EXOC6: variants seen among roughly 807,000 people sequenced by gnomAD.
EXOC6 encodes exocyst complex component 6, also known as SEC15-like 1.
A neutral mutation model predicts 112.5 loss-of-function variants in EXOC6; 60 were observed. That is an observed-to-expected ratio of 0.53 (90% CI 0.43 to 0.66). The LOEUF (loss-of-function observed/expected upper bound fraction) is 0.66, where lower values mean the gene tolerates loss of function less well. Among genes scored for constraint, EXOC6 ranks in the 30% least tolerant of loss-of-function variants. EXOC6 has a pLI of 0.00. For synonymous variants in EXOC6, 295 were observed against 308.0 expected, an observed-to-expected ratio of 0.96 and a Z score of 0.44; for missense variants, 855 against 957.1, an observed-to-expected ratio of 0.89 and a Z score of 1.41.
chr10:93,014,374 C>A, intron 20 of EXOC6, 107 bp downstream of exon 20: 2 of 840,904 alleles, frequency 2.4e-6, no homozygotes, highest in Non-Finnish European at 3.9e-6. Context: ...CTTGAAACAA[C>A]CTATCTTAAG....
intron 18 of EXOC6, among the ~76,000 whole-genome samples, chr10:92,990,508 A>G (rs1843185440): frequency 6.6e-6 from 1 of 152,222 alleles, no homozygotes; most frequent in African/African-American, 2.4e-5. Context: ...GGAAAGACCT[A>G]TATAAAATGC....
rs865843100 is a variant in EXOC6, at chr10:93,058,249, A to G, written c.2309A>G (p.Asn770Ser). 6.2e-7 allele frequency: 1 copy of G among 1,607,474 alleles called. No homozygotes were observed. Among genetic ancestry groups the G allele is most frequent in the South Asian group, 1.1e-5 (1 of 89,068 alleles). The change falls in exon 22 of 22, where the codon AAT becomes AGT. Residue 770 changes from asparagine to serine, a missense_variant. Physicochemically the swap from Asn to Ser is conservative, Grantham distance 46. Transcript: ENST00000260762. The part of the protein sequence containing the change: ...EKMKDTSKKN[N>S]IFAQFRKNDR... Reference sequence around the variant, plus strand: ...ATGAAGGATACTAGCAAAAAGAACAATATATTTGCTCAGTTCAGGAAGAAT... The same window carrying G: ...ATGAAGGATACTAGCAAAAAGAACAGTATATTTGCTCAGTTCAGGAAGAAT...
At chr10:92,925,837 A>AT (rs1851682750) in intron 8 of EXOC6, among the ~76,000 whole-genome samples, 1 of 151,846 alleles carries the variant, frequency 6.6e-6, no homozygotes, top group Non-Finnish European at 1.5e-5. Context: ...TTAAAAAAAA[A>AT]ATTTTTTTTA....
rs770597746 is a variant in EXOC6, at chr10:92,915,904, T to C, written c.810T>C (p.Asn270=). ...ATTCACTTGAAGAAGAGGATGAGAATGAAGAAGAGGTGATAGGTGTCTTTC... is the reference window on the plus strand; with the variant it reads ...ATTCACTTGAAGAAGAGGATGAGAACGAAGAAGAGGTGATAGGTGTCTTTC... ...LKHSLEEEDE[N]EEEILTVQDL... Residue 270 remains asparagine, a synonymous_variant, in exon 7 of 22, where the codon AAT becomes AAC. Coordinates refer to ENST00000260762, the MANE Select transcript of EXOC6 (RefSeq NM_019053.6). The C allele has an allele frequency of 2.6e-6, 4 of 1,535,774 alleles. No individual in the cohort carries two copies. Among genetic ancestry groups the C allele is most frequent in the Non-Finnish European group, 3.5e-6 (4 of 1,152,462 alleles).
intron 20 of EXOC6, among the ~76,000 whole-genome samples, chr10:93,018,030 T>G (rs978413815): frequency 2.7e-5 from 4 of 146,618 alleles, no homozygotes; most frequent in African/African-American, 7.5e-5. Context: ...AAAAAAGAAA[T>G]AAAATAAAAA....
intron 18 of EXOC6, among the ~76,000 whole-genome samples, chr10:92,975,527 G>T (rs1196508336): frequency 6.7e-6 from 1 of 149,668 alleles, no homozygotes; most frequent in Non-Finnish European, 1.5e-5. Flanking sequence ...AGGGAGGTGG[G>T]GGGGTCAGCC....
At chr10:92,947,241 A>G (rs1233176370) in intron 13 of EXOC6, among the ~76,000 whole-genome samples, 3 of 152,202 alleles carry the variant, frequency 2.0e-5, no homozygotes, top group African/African-American at 7.2e-5. Context: ...CTAGTCAGAG[A>G]TACAAGCTAT....
At chr10:92,849,699 A>C (rs1295623009) in intron 1 of EXOC6, among the ~76,000 whole-genome samples, 1 of 152,230 alleles carries the variant, frequency 6.6e-6, no homozygotes, top group African/African-American at 2.4e-5. Flanking sequence ...AGTTCAAGTT[A>C]TGTAAATACA....
intron 4 of EXOC6, among the ~76,000 whole-genome samples, chr10:92,898,281 A>AAT (rs1554889560): frequency 2.7e-5 from 4 of 149,910 alleles, no homozygotes; most frequent in Admixed American, 1.3e-4. Context: ...AAAAAAAAAA[A>AAT]ATTAGCCAGC....
At chr10:93,048,857 A>G (rs1397290863) in intron 20 of EXOC6, among the ~76,000 whole-genome samples, 2 of 152,128 alleles carry the variant, frequency 1.3e-5, no homozygotes, top group African/African-American at 2.4e-5. Flanking sequence ...GTTTAAATAC[A>G]TAATATAAAT....
intron 18 of EXOC6, among the ~76,000 whole-genome samples, chr10:92,975,666 C>T (rs1437163751): frequency 5.6e-5 from 7 of 125,670 alleles, no homozygotes; most frequent in African/African-American, 1.8e-4. Context: ...AGGTGAGGGG[C>T]GCCTCTGCCC....
intron 20 of EXOC6, among the ~76,000 whole-genome samples, chr10:93,021,153 C>T (rs1314326531): frequency 6.6e-6 from 1 of 151,844 alleles, no homozygotes; most frequent in African/African-American, 2.4e-5. Flanking sequence ...CTCCTAAAAT[C>T]ATCCACACTT....
At chr10:92,997,411 T>G in intron 18 of EXOC6, 63 bp from the exon 19 acceptor site, 2 of 1,460,964 alleles carry the variant, frequency 1.4e-6, no homozygotes, top group Non-Finnish European at 1.8e-6. Flanking sequence ...TTTTTCTGAT[T>G]CTTTATGATG....
intron 6 of EXOC6, 72 bp downstream of exon 6, chr10:92,909,703 T>A (rs1850633617): frequency 2.2e-6 from 2 of 891,254 alleles, no homozygotes; most frequent in Non-Finnish European, 1.7e-6. Context: ...AAGGTTTACT[T>A]CTTTAACTTA....
chr10:93,018,037 A>C (rs1844621555), intron 20 of EXOC6, among the ~76,000 whole-genome samples: 1 of 151,670 alleles, frequency 6.6e-6, no homozygotes, highest in African/African-American at 2.4e-5. Context: ...AAATAAAATA[A>C]AAATAAAAAT....
intron 9 of EXOC6, among the ~76,000 whole-genome samples, chr10:92,933,879 G>T (rs1434907331): frequency 2.6e-5 from 4 of 152,120 alleles, no homozygotes; most frequent in African/African-American, 9.7e-5. Context: ...TCAAAGTAGA[G>T]GTGATGACAG....
At position 92,958,908 on chromosome 10, in the gene EXOC6, A is replaced by G. The variant is rs537978653; in HGVS notation, c.1773+3194A>G. 4.6e-5 allele frequency among the ~76,000 whole-genome samples: 7 copies of G among 152,310 alleles called. No homozygotes were observed. In the South Asian group the frequency reaches 1.5e-3, roughly 32 times the overall value. The stretch of plus-strand genomic sequence containing the variant: ...CAGGAGATCAAGACCATCCTGGCCA[A>G]CATGGTGAAACCCTGTCTCTACTAA... On this transcript the variant is annotated intron_variant, in intron 17 of 21. Transcript: ENST00000260762.
chr10:93,019,775 A>G (rs770201959), intron 20 of EXOC6, among the ~76,000 whole-genome samples: 23 of 152,216 alleles, frequency 1.5e-4, no homozygotes, highest in Non-Finnish European at 2.4e-4. Context: ...TGAGAACCTC[A>G]AGATACTTCA....
intron 1 of EXOC6, among the ~76,000 whole-genome samples, chr10:92,862,544 A>G (rs1847961600): frequency 1.3e-5 from 2 of 152,132 alleles, no homozygotes; most frequent in African/African-American, 4.8e-5. Flanking sequence ...ACCAGAACTC[A>G]CTAGACATGA....
Sources: allele counts gnomAD v4.1 joint callset (sites outside exome capture counted in the v4.1 genomes callset), GRCh38; gene constraint gnomAD v4.1.1; transcripts MANE v1.5; gene names NCBI Gene and HGNC (gene_info 2026-07-23, HGNC 2026-07-21).